Variants in C1orf198 observed in about 807,000 individuals in gnomAD.
C1orf198 encodes the protein chromosome 1 open reading frame 198, also known as uncharacterized protein C1orf198.
In C1orf198, 17 loss-of-function variants were observed where a neutral mutation model predicts 31.4. That is an observed-to-expected ratio of 0.54 (90% CI 0.37 to 0.81). The LOEUF (loss-of-function observed/expected upper bound fraction) is 0.81, where lower values mean the gene tolerates loss of function less well. C1orf198 is among the 40% of genes least tolerant of loss of function. C1orf198 has a pLI of 0.00. For synonymous variants in C1orf198, 175 were observed against 193.8 expected, an observed-to-expected ratio of 0.90 and a Z score of 0.81; for missense variants, 401 against 450.3, an observed-to-expected ratio of 0.89 and a Z score of 0.99.
intron 3 of C1orf198, among the ~76,000 whole-genome samples, chr1:230,842,404 A>C (rs1230370406): frequency 6.6e-6 from 1 of 152,224 alleles, no homozygotes; most frequent in East Asian, 1.9e-4. Context: ...ATGGAATACT[A>C]CTCAGCCAAA....
At chr1:230,847,826 G>A (rs1156562732) in intron 2 of C1orf198, among the ~76,000 whole-genome samples, 1 of 152,204 alleles carries the variant, frequency 6.6e-6, no homozygotes. Context: ...TCTGGAAATT[G>A]TAGTGTAAGG....
At chr1:230,841,855 A>T (rs550440352) in intron 3 of C1orf198, among the ~76,000 whole-genome samples, 18 of 152,334 alleles carry the variant, frequency 1.2e-4, no homozygotes, top group African/African-American at 4.3e-4. Context: ...ACTATTCCTA[A>T]CAGACAACAA....
chr1:230,859,161 G>A (rs767400182), intron 1 of C1orf198, among the ~76,000 whole-genome samples: 1 of 152,156 alleles, frequency 6.6e-6, no homozygotes, highest in Non-Finnish European at 1.5e-5. Flanking sequence ...AAGCACTGGC[G>A]GCAAGAACAG....
chr1:230,840,010 C>A lies in C1orf198; in HGVS notation c.928-102G>T. Reference sequence around the variant, plus strand: ...ATTTAAAACGACCCAGATAAAAGAGCCTACTTCTGTCTCAGAGGTTCCCTG... The same window carrying A: ...ATTTAAAACGACCCAGATAAAAGAGACTACTTCTGTCTCAGAGGTTCCCTG... On this transcript the variant is annotated intron_variant, in intron 3 of 3. Transcript: ENST00000366663. The surrounding 1 kb of genome is among the most constrained non-coding windows in gnomAD (Gnocchi z 4.0). 2 of 1,010,418 alleles carry A rather than the reference C, an allele frequency of 2.0e-6. No homozygotes were observed. Among genetic ancestry groups the A allele is most frequent in the Non-Finnish European group, 2.9e-6 (2 of 682,978 alleles). 62.6% of individuals were successfully genotyped at this position (1,010,418 alleles called of 1,614,324 possible). A position where few individuals can be genotyped will look rare whatever the true frequency, so the allele number is the denominator to read the frequency against.
chr1:230,852,682 T>C (rs191525516), intron 2 of C1orf198, among the ~76,000 whole-genome samples: 117 of 152,324 alleles, frequency 7.7e-4, no homozygotes, highest in Admixed American at 2.8e-3. Flanking sequence ...GAAAATTTTA[T>C]GTTGTGTGTA....
Position 230,840,560 on chromosome 1 carries a change from C to T in C1orf198, c.928-652G>A, listed in dbSNP as rs1019725478. Among the ~76,000 whole-genome samples the T allele has an allele frequency of 1.3e-5, 2 of 152,158 alleles. No homozygotes were observed. Among genetic ancestry groups the T allele is most frequent in the Non-Finnish European group, 2.9e-5 (2 of 68,032 alleles). ...GGGGAAAGGGCTTAACTGACAGGTC[C>T]CCTCTTGTGAGCATGGGCTGTCTCA... On this transcript the variant is annotated intron_variant, in intron 3 of 3. Transcript: ENST00000366663. The surrounding 1 kb of genome is among the most constrained non-coding windows in gnomAD (Gnocchi z 4.0).
At chr1:230,845,219 A>T (rs1204120628) in intron 2 of C1orf198, among the ~76,000 whole-genome samples, 1 of 146,370 alleles carries the variant, frequency 6.8e-6, no homozygotes, top group Non-Finnish European at 1.5e-5. Flanking sequence ...AAAAAATTAA[A>T]AAAAAAAAAA....
chr1:230,841,378 G>A (rs1669437343), intron 3 of C1orf198, among the ~76,000 whole-genome samples: 1 of 152,182 alleles, frequency 6.6e-6, no homozygotes, highest in South Asian at 2.1e-4. Flanking sequence ...TGCCGAGGGA[G>A]GTGTGGAAGT....
chr1:230,866,836 A>G (rs1558144092), intron 1 of C1orf198, among the ~76,000 whole-genome samples: 1 of 152,008 alleles, frequency 6.6e-6, no homozygotes, highest in African/African-American at 2.4e-5. Context: ...TAAAACCTAT[A>G]TTTTCCCCTC....
At position 230,855,721 on chromosome 1, in the gene C1orf198, G is replaced by A. The variant is rs761065431; in HGVS notation, c.334-3C>T. On this transcript the variant is annotated splice_region_variant and splice_polypyrimidine_tract_variant and intron_variant, in intron 1 of 3. Transcript: ENST00000366663. ...TGCTCATCTTGCCAAGTTAGATCCT[G>A]AAATAAAAAATCGAGAATAAGTCTG... 1 of 1,612,664 alleles carries A rather than the reference G, an allele frequency of 6.2e-7. No homozygotes were observed. The highest frequency in any genetic ancestry group is 1.1e-5 in the South Asian group (1 of 90,800).
intron 2 of C1orf198, among the ~76,000 whole-genome samples, chr1:230,855,096 G>A (rs1669840721): frequency 6.6e-6 from 1 of 152,148 alleles, no homozygotes; most frequent in Non-Finnish European, 1.5e-5. Flanking sequence ...TTCTACTGGG[G>A]CAACTTAGGA....
chr1:230,849,529 G>A (rs895290836), intron 2 of C1orf198, among the ~76,000 whole-genome samples: 1 of 152,116 alleles, frequency 6.6e-6, no homozygotes, highest in Non-Finnish European at 1.5e-5. Context: ...CCTCCAGCCA[G>A]GCCAGGGCTG....
intron 2 of C1orf198, among the ~76,000 whole-genome samples, chr1:230,844,696 G>A (rs781225284): frequency 6.6e-6 from 1 of 152,160 alleles, no homozygotes; most frequent in Admixed American, 6.5e-5. Context: ...GGAGGATAAC[G>A]AGGAAAGGTG....
intron 2 of C1orf198, among the ~76,000 whole-genome samples, chr1:230,849,378 G>A (rs1242510607): frequency 2.0e-5 from 3 of 152,174 alleles, no homozygotes; most frequent in Non-Finnish European, 2.9e-5. Context: ...CGGGGTTTGG[G>A]GATGCAACTT....
intron 1 of C1orf198, 144 bp downstream of exon 1, chr1:230,868,036 T>TACC: frequency 3.5e-6 from 3 of 861,448 alleles, no homozygotes; most frequent in Non-Finnish European, 3.2e-6. Flanking sequence ...GCTCTGGGGC[T>TACC]CCCCTCCCAC....
At chr1:230,869,156 G>C (rs896483271), upstream of C1orf198, 2 of 152,480 alleles carry the variant, frequency 1.3e-5, no homozygotes, top group Non-Finnish European at 2.9e-5. Context: ...GGGCGACCTG[G>C]AAGGCTGGAC....
In C1orf198 at chr1:230,843,345, GCCACTCA is replaced by G; in HGVS notation, c.927+2_927+8del. ...CCCATCTGAGGACGCGCTGGTAAAGGCCACTCACCTGTGCAAACTTGGGTTCCGAGAA... is the reference window on the plus strand; with the variant it reads ...CCCATCTGAGGACGCGCTGGTAAAGGCCTGTGCAAACTTGGGTTCCGAGAA... On this transcript the variant is annotated splice_donor_variant and splice_donor_5th_base_variant and intron_variant, in intron 3 of 3. Coordinates refer to ENST00000366663, the MANE Select transcript of C1orf198 (RefSeq NM_032800.3). LOFTEE classifies it high-confidence loss of function. The surrounding 1 kb of genome is among the most constrained non-coding windows in gnomAD (Gnocchi z 4.9). 6.4e-7 allele frequency: 1 copy of G among 1,552,294 alleles called. No individual in the cohort carries two copies. Among genetic ancestry groups the G allele is most frequent in the East Asian group, 2.4e-5 (1 of 40,936 alleles).
At chr1:230,860,262 G>A (rs1031679330) in intron 1 of C1orf198, among the ~76,000 whole-genome samples, 1 of 152,142 alleles carries the variant, frequency 6.6e-6, no homozygotes, top group Non-Finnish European at 1.5e-5. Flanking sequence ...CTCTTGGTGG[G>A]AATGTAAATG....
In C1orf198 at chr1:230,843,161, C is replaced by T. The variant is rs1235841487; in HGVS notation, c.927+193G>A. Reference sequence around the variant, plus strand: ...AAATTAGGGCACCCAGATGGACTCGCAAAACTTGTCTTGTTGCATATTTGT... The same window carrying T: ...AAATTAGGGCACCCAGATGGACTCGTAAAACTTGTCTTGTTGCATATTTGT... On this transcript the variant is annotated intron_variant, in intron 3 of 3. Transcript: ENST00000366663. The surrounding 1 kb of genome is among the most constrained non-coding windows in gnomAD (Gnocchi z 4.9). 2.6e-5 allele frequency among the ~76,000 whole-genome samples: 4 copies of T among 152,154 alleles called. No individual in the cohort carries two copies. The highest frequency in any genetic ancestry group is 9.7e-5 in the African/African-American group (4 of 41,414).
Sources: gnomAD v4.1 joint callset for allele counts (sites outside exome capture counted in the v4.1 genomes callset) on GRCh38, gnomAD v4.1.1 for gene constraint, Gnocchi (gnomAD v3.1) non-coding constraint, MANE v1.5 for transcripts, NCBI Gene and HGNC (gene_info 2026-07-23, HGNC 2026-07-21) for gene names.